The following RAPGEF4 variants were observed in gnomAD, a reference collection of about 807,000 sequenced individuals.
The protein encoded by RAPGEF4 is Rap guanine nucleotide exchange factor 4, also known as RAP guanine-nucleotide-exchange factor (GEF) 4.
RAPGEF4 carries 66 observed loss-of-function variants against 147.9 expected under a neutral mutation model. The observed-to-expected ratio is 0.45, with a 90% CI of 0.37 to 0.55. RAPGEF4 has a LOEUF of 0.55. Among genes scored for constraint, RAPGEF4 ranks in the 20% least tolerant of loss-of-function variants. The probability of loss-of-function intolerance (pLI) is 0.00; values close to 1 mark genes in which losing one functional copy is unlikely to be tolerated. For synonymous variants in RAPGEF4, 419 were observed against 442.7 expected (o/e 0.95, Z 0.67); for missense variants, 1,071 against 1,257.3 (o/e 0.85, Z 2.24).
At chr2:172,851,627 A>G (rs773609987) in intron 4 of RAPGEF4, among the ~76,000 whole-genome samples, 2 of 152,210 alleles carry the variant, frequency 1.3e-5, no homozygotes, top group African/African-American at 4.8e-5. Flanking sequence ...AAAAAGAATG[A>G]GATAGTGTTC....
intron 21 of RAPGEF4, 53 bp from the exon 22 acceptor site, chr2:173,018,603 T>C (rs1295611138): frequency 3.9e-6 from 6 of 1,540,238 alleles, no homozygotes; most frequent in Non-Finnish European, 5.3e-6. Flanking sequence ...TAACTATAGT[T>C]TTATTGAAAA....
chr2:172,934,373 A>G (rs1483925789), intron 6 of RAPGEF4, among the ~76,000 whole-genome samples: 1 of 151,092 alleles, frequency 6.6e-6, no homozygotes, highest in African/African-American at 2.4e-5. Flanking sequence ...CTGGTCTCGA[A>G]CTCCTGACCT....
intron 4 of RAPGEF4, among the ~76,000 whole-genome samples, chr2:172,820,749 T>C (rs1688985148): frequency 6.6e-6 from 1 of 152,166 alleles, no homozygotes; most frequent in African/African-American, 2.4e-5. Flanking sequence ...GAGATATTAA[T>C]CAGAATAATG....
rs1477253065 is a variant in RAPGEF4, at chr2:173,017,167, C to A, written c.1899-7C>A. ...ATTAAATAATGTGCTTTCTCTACTTCTCGTAGCTCAGAAGATGCAAAGGCA... is the reference window on the plus strand; with the variant it reads ...ATTAAATAATGTGCTTTCTCTACTTATCGTAGCTCAGAAGATGCAAAGGCA... On this transcript the variant is annotated splice_region_variant and splice_polypyrimidine_tract_variant and intron_variant, in intron 19 of 30. Coordinates refer to ENST00000397081, the MANE Select transcript of RAPGEF4 (RefSeq NM_007023.4). 4.3e-6 allele frequency: 7 copies of A among 1,612,682 alleles called. No individual in the cohort carries two copies. The highest frequency in any genetic ancestry group is 5.9e-6 in the Non-Finnish European group (7 of 1,178,820).
intron 4 of RAPGEF4, chr2:172,822,071 T>A: frequency 7.0e-7 from 1 of 1,426,994 alleles, no homozygotes; most frequent in South Asian, 1.2e-5. Context: ...CTCAAAAACA[T>A]CTCTGGCTTT....
At chr2:172,979,388 C>T (rs1229432285) in intron 10 of RAPGEF4, among the ~76,000 whole-genome samples, 2 of 152,328 alleles carry the variant, frequency 1.3e-5, no homozygotes, top group East Asian at 3.9e-4. Context: ...ATATTAAACA[C>T]CCACCCTGAT....
chr2:172,818,973 T>A (rs947968288), intron 4 of RAPGEF4, among the ~76,000 whole-genome samples: 1 of 152,228 alleles, frequency 6.6e-6, no homozygotes, highest in Non-Finnish European at 1.5e-5. Flanking sequence ...GAGTATTTTT[T>A]AAAAATCATC....
intron 17 of RAPGEF4, among the ~76,000 whole-genome samples, chr2:173,007,431 C>T (rs1452679099): frequency 6.6e-6 from 1 of 152,192 alleles, no homozygotes; most frequent in South Asian, 2.1e-4. Context: ...ATAGGAGTAA[C>T]ATCACAGACT....
intron 17 of RAPGEF4, among the ~76,000 whole-genome samples, chr2:173,006,200 GA>G (rs1694467218): frequency 6.6e-6 from 1 of 152,184 alleles, no homozygotes; most frequent in South Asian, 2.1e-4. Context: ...AGATAAAGCT[GA>G]AATGAGGAGA....
At chr2:172,774,858 G>A (rs1264813630) in intron 1 of RAPGEF4, among the ~76,000 whole-genome samples, 2 of 152,192 alleles carry the variant, frequency 1.3e-5, no homozygotes, top group Non-Finnish European at 2.9e-5. Flanking sequence ...TGCTAGACAT[G>A]TACCAGTATT....
chr2:172,754,343 A>G (rs949365895), intron 1 of RAPGEF4, among the ~76,000 whole-genome samples: 5 of 152,198 alleles, frequency 3.3e-5, no homozygotes, highest in Non-Finnish European at 4.4e-5. Context: ...CAACTAAGAC[A>G]TTTGAAAATG....
intron 1 of RAPGEF4, among the ~76,000 whole-genome samples, chr2:172,780,025 A>T (rs1684532377): frequency 6.6e-6 from 1 of 152,100 alleles, no homozygotes. Context: ...TCCCTCTGCC[A>T]CTTTTTTATT....
At chr2:173,048,340 A>T in intron 29 of RAPGEF4, 3 of 629,458 alleles carry the variant, frequency 4.8e-6, no homozygotes, top group South Asian at 5.6e-5. Flanking sequence ...GATGTTTTTT[A>T]CATCATGGGG....
Position 173,027,251 on chromosome 2 carries a change from A to G in RAPGEF4, c.2550A>G (p.Ile850Met), listed in dbSNP as rs1696751568. 1.9e-6 allele frequency: 3 copies of G among 1,591,674 alleles called. No individual in the cohort carries two copies. The highest frequency in any genetic ancestry group is 2.6e-6 in the Non-Finnish European group (3 of 1,173,852). The change falls in exon 25 of 31, where the codon ATA becomes ATG. Residue 850 changes from isoleucine to methionine, a missense_variant. Transcript: ENST00000397081. ...RVQLLKKFIK[I>M]AAHCKEYKNL... ...AGCTATTAAAAAAATTTATTAAGAT[A>G]GCAGCCCAGTAAGTATATTTAGCTT...
chr2:172,868,157 T>C (rs1425616451), intron 4 of RAPGEF4, among the ~76,000 whole-genome samples: 1 of 152,156 alleles, frequency 6.6e-6, no homozygotes, highest in South Asian at 2.1e-4. Context: ...CATGAAGAGA[T>C]TATTGGACCA....
chr2:172,794,347 C>CAAAAAAAAAAAAAAAAAAAAAAAAAA, intron 1 of RAPGEF4, among the ~76,000 whole-genome samples: 1 of 101,918 alleles, frequency 9.8e-6, no homozygotes, highest in East Asian at 2.6e-4. Context: ...AACTCCATCT[C>CAAAAAAAAAAAAAAAAAAAAAAAAAA]AAAAAAAAAA....
chr2:172,984,373 C>T (rs553319415), intron 11 of RAPGEF4, among the ~76,000 whole-genome samples: 11 of 152,292 alleles, frequency 7.2e-5, no homozygotes, highest in Non-Finnish European at 1.5e-4. Context: ...CAGTACCTGC[C>T]AGTCCCTGCT....
At chr2:172,921,568 T>C (rs2150051367) in intron 5 of RAPGEF4, among the ~76,000 whole-genome samples, 2 of 152,340 alleles carry the variant, frequency 1.3e-5, no homozygotes, top group Admixed American at 1.3e-4. Context: ...TGCTTCTGTC[T>C]CCTCTGTATA....
At chr2:172,847,511 C>T (rs760526843) in intron 4 of RAPGEF4, among the ~76,000 whole-genome samples, 1 of 152,144 alleles carries the variant, frequency 6.6e-6, no homozygotes, top group Non-Finnish European at 1.5e-5. Flanking sequence ...GACCAGAAAG[C>T]CGGGACTGAA....
Sources: gnomAD v4.1 joint callset for allele counts (sites outside exome capture counted in the v4.1 genomes callset) on GRCh38, gnomAD v4.1.1 for gene constraint, MANE v1.5 for transcripts, NCBI Gene and HGNC (gene_info 2026-07-23, HGNC 2026-07-21) for gene names.